The following MME variants were observed in gnomAD, a reference collection of about 807,000 sequenced individuals.
MME encodes membrane metalloendopeptidase, also known as neprilysin.
In MME, 98 loss-of-function variants were observed where a neutral mutation model predicts 113.2. That is an observed-to-expected ratio of 0.87 (90% CI 0.74 to 1.02). The LOEUF is 1.02. MME is among the 50% of genes least tolerant of loss of function. The pLI, the probability that MME is intolerant of heterozygous loss-of-function variation, is 0.00. For synonymous variants in MME, 292 were observed against 300.6 expected (o/e 0.97, Z 0.30); for missense variants, 836 against 896.0 (o/e 0.93, Z 0.86).
In MME at chr3:155,125,769, T is replaced by A. The variant is rs141015473; in HGVS notation, c.720+6958T>A. Among the ~76,000 whole-genome samples the A allele has an allele frequency of 7.2e-4, 109 of 152,122 alleles. 1 individual carries two copies. In the East Asian group the frequency reaches 0.015, roughly 21 times the overall value. ...CCACCACACCTGGCCCATGTGCTTT[T>A]CTTACAGAAAGTAAGGAACAGCAGG... On this transcript the variant is annotated intron_variant, in intron 8 of 22. Transcript: ENST00000360490.
intron 16 of MME, chr3:155,158,374 G>A (rs910051919): frequency 1.3e-5 from 2 of 152,016 alleles, no homozygotes; most frequent in Non-Finnish European, 2.9e-5. Flanking sequence ...ATAACTATAA[G>A]CTGTTTACCT....
intron 1 of MME, among the ~76,000 whole-genome samples, chr3:155,049,028 C>A (rs1212815835): frequency 6.6e-6 from 1 of 151,852 alleles, no homozygotes; most frequent in Non-Finnish European, 1.5e-5. Flanking sequence ...GTGCCTTAGC[C>A]CTGAAATCTC....
intron 9 of MME, among the ~76,000 whole-genome samples, chr3:155,139,214 T>C (rs1720868047): frequency 6.6e-6 from 1 of 152,132 alleles, no homozygotes; most frequent in South Asian, 2.1e-4. Flanking sequence ...TTTTGCCACT[T>C]GCACCTTCCC....
rs191079882 is a variant in MME at position 155,119,398 on chromosome 3, T to G, written c.720+587T>G. 6.7e-4 allele frequency among the ~76,000 whole-genome samples: 101 copies of G among 150,820 alleles called. 1 individual carries two copies. The East Asian group carries it at 0.016, about 23-fold the overall frequency. The stretch of plus-strand genomic sequence containing the variant: ...CACAACCTTGCCTCCCTTGGGCTGA[T>G]GTTCACGTGCTCTTTTTTTTTTTTT... On this transcript the variant is annotated intron_variant, in intron 8 of 22. Coordinates refer to ENST00000360490, the MANE Select transcript of MME (RefSeq NM_007289.4).
chr3:155,130,880 C>T (rs1720094289), intron 8 of MME, among the ~76,000 whole-genome samples: 2 of 152,008 alleles, frequency 1.3e-5, no homozygotes, highest in Admixed American at 6.6e-5. Context: ...AACAGATCTT[C>T]ATTGAGCTTA....
chr3:155,152,246 A>C (rs533301419), intron 16 of MME, among the ~76,000 whole-genome samples: 1 of 152,226 alleles, frequency 6.6e-6, no homozygotes, highest in Non-Finnish European at 1.5e-5. Flanking sequence ...TCTAACAGAA[A>C]CCTACACATG....
intron 15 of MME, 143 bp downstream of exon 15, chr3:155,147,367 G>C (rs1040864915): frequency 4.5e-6 from 3 of 662,992 alleles, no homozygotes; most frequent in South Asian, 3.3e-5. Flanking sequence ...GCTGGTGCCA[G>C]AATGATATTT....
chr3:155,063,212 TA>T (rs1312656735), intron 1 of MME, among the ~76,000 whole-genome samples: 1 of 120,074 alleles, frequency 8.3e-6, no homozygotes, highest in East Asian at 2.3e-4. Flanking sequence ...TATTATATAA[TA>T]ATATACATAT....
At chr3:155,136,147 T>C (rs533620464) in intron 8 of MME, among the ~76,000 whole-genome samples, 15 of 152,198 alleles carry the variant, frequency 9.9e-5, no homozygotes, top group African/African-American at 2.9e-4. Context: ...TTTTGCCTGA[T>C]TGATTGATCT....
intron 1 of MME, among the ~76,000 whole-genome samples, chr3:155,062,208 T>G (rs963013869): frequency 6.6e-6 from 1 of 152,218 alleles, no homozygotes; most frequent in Admixed American, 6.5e-5. Context: ...TATGTATCTA[T>G]CTACTTACCT....
intron 17 of MME, 67 bp downstream of exon 17, chr3:155,160,515 G>A (rs897785304): frequency 2.9e-6 from 3 of 1,031,690 alleles, no homozygotes; most frequent in Non-Finnish European, 4.6e-6. Context: ...TGCATTGTAT[G>A]ACCAATTACA....
chr3:155,032,356 C>A (rs1712999665), intron 1 of MME, among the ~76,000 whole-genome samples: 1 of 152,088 alleles, frequency 6.6e-6, no homozygotes, highest in East Asian at 1.9e-4. Flanking sequence ...TCTCCTTGAC[C>A]AAATTTCATA....
intron 1 of MME, among the ~76,000 whole-genome samples, chr3:155,063,728 C>A (rs1714279534): frequency 8.1e-6 from 1 of 123,210 alleles, no homozygotes; most frequent in South Asian, 2.4e-4. Context: ...TATACCATTG[C>A]TTTCTTCCCC....
intron 3 of MME, among the ~76,000 whole-genome samples, chr3:155,094,343 G>A (rs950030974): frequency 7.9e-5 from 12 of 152,154 alleles, no homozygotes; most frequent in African/African-American, 2.7e-4. Flanking sequence ...AATTGAAAGT[G>A]TCTCATTTTA....
intron 3 of MME, among the ~76,000 whole-genome samples, chr3:155,103,308 G>T (rs1367306718): frequency 6.6e-6 from 1 of 152,180 alleles, no homozygotes; most frequent in Admixed American, 6.5e-5. Context: ...CCTATGCAAG[G>T]TGACTTGTAA....
intron 1 of MME, among the ~76,000 whole-genome samples, chr3:155,073,758 G>A (rs1324075058): frequency 6.6e-6 from 1 of 151,688 alleles, no homozygotes; most frequent in African/African-American, 2.4e-5. Context: ...GCTTTTTTAA[G>A]GATATATCTA....
intron 9 of MME, among the ~76,000 whole-genome samples, 160 bp from the exon 10 acceptor site, chr3:155,140,031 C>T (rs532358988): frequency 6.6e-6 from 1 of 152,276 alleles, no homozygotes; most frequent in South Asian, 2.1e-4. Flanking sequence ...AAATCTCTTA[C>T]ATTTCACTTT....
chr3:155,085,161 TC>T, intron 3 of MME, 67 bp downstream of exon 3: 1 of 1,036,316 alleles, frequency 9.6e-7, no homozygotes, highest in Non-Finnish European at 1.5e-6. Context: ...TAAATGCTAA[TC>T]TTAATTTGCT....
chr3:155,056,672 T>C (rs1713940537), intron 1 of MME, among the ~76,000 whole-genome samples: 1 of 152,076 alleles, frequency 6.6e-6, no homozygotes, highest in Admixed American at 6.6e-5. Context: ...GCATGATTTA[T>C]AGTCCTTTGG....
Sources: allele counts gnomAD v4.1 joint callset (sites outside exome capture counted in the v4.1 genomes callset), GRCh38; gene constraint gnomAD v4.1.1; transcripts MANE v1.5; gene names NCBI Gene and HGNC (gene_info 2026-07-23, HGNC 2026-07-21).